CMIP: variants seen among roughly 807,000 people sequenced by gnomAD.
CMIP encodes c-Maf inducing protein.
In CMIP, 13 loss-of-function variants were observed where a neutral mutation model predicts 97.3. The observed-to-expected ratio is 0.13, with a 90% CI of 0.09 to 0.21. The LOEUF is 0.21. Among genes scored for constraint, CMIP ranks in the 10% least tolerant of loss-of-function variants. CMIP has a pLI of 1.00. For missense variants in CMIP, 847 were observed against 1,024.9 expected (o/e 0.83, Z 2.37); for synonymous variants, 538 against 436.3 (o/e 1.23, Z -2.91).
rs2091992059 is a variant in CMIP at position 81,621,529 on chromosome 16, G to A, written c.477+603G>A. On this transcript the variant is annotated intron_variant, in intron 3 of 20. Transcript: ENST00000537098. This position sits in a 1 kb window ranked among gnomAD's most constrained non-coding sequence, Gnocchi z 4.1. ...CTGAGTTGTGCCCCATGGCTCAGGC[G>A]ATGGAAACCTTGACGTCAGGACCAG... 1 of 153,152 alleles carries A rather than the reference G, an allele frequency of 6.5e-6. No individual in the cohort carries two copies. Among genetic ancestry groups the A allele is most frequent in the Non-Finnish European group, 1.5e-5 (1 of 68,444 alleles). 9.5% of individuals were successfully genotyped at this position (153,152 alleles called of 1,614,324 possible).
chr16:81,588,479 G>A (rs2091417636), intron 1 of CMIP, among the ~76,000 whole-genome samples: 1 of 152,136 alleles, frequency 6.6e-6, no homozygotes, highest in African/African-American at 2.4e-5. Context: ...TTACGGGCAG[G>A]GTGCTGTACC....
At chr16:81,687,688 G>C (rs902254308) in intron 10 of CMIP, among the ~76,000 whole-genome samples, 9 of 152,178 alleles carry the variant, frequency 5.9e-5, no homozygotes, top group Admixed American at 1.3e-4. Context: ...GTGTGTGAGT[G>C]CTCTGCTGTG....
intron 9 of CMIP, among the ~76,000 whole-genome samples, chr16:81,676,218 A>T (rs1284302803): frequency 4.6e-5 from 7 of 152,186 alleles, no homozygotes; most frequent in African/African-American, 9.7e-5. Context: ...AGCCCACAGT[A>T]GCCTGGGTTC....
intron 20 of CMIP, among the ~76,000 whole-genome samples, chr16:81,708,202 T>C (rs1908365755): frequency 6.6e-6 from 1 of 152,076 alleles, no homozygotes; most frequent in Non-Finnish European, 1.5e-5. Flanking sequence ...AGAGAGGACG[T>C]ATGGGACACA....
chr16:81,456,327 G>A (rs74492168), intron 1 of CMIP, among the ~76,000 whole-genome samples: 7 of 152,324 alleles, frequency 4.6e-5, no homozygotes, highest in African/African-American at 1.2e-4. Context: ...CCCGTGAGGC[G>A]TTAGCAGGGG....
chr16:81,464,461 A>G (rs1468896870), intron 1 of CMIP: 2 of 152,102 alleles, frequency 1.3e-5, no homozygotes, highest in African/African-American at 4.8e-5. Context: ...TGATGATGCA[A>G]CCAGGAAAAT....
chr16:81,596,590 T>G (rs958040560), intron 1 of CMIP, among the ~76,000 whole-genome samples: 2 of 151,900 alleles, frequency 1.3e-5, no homozygotes, highest in African/African-American at 4.8e-5. Context: ...TTGATGAACT[T>G]TAACAAAGTG....
intron 1 of CMIP, among the ~76,000 whole-genome samples, chr16:81,555,002 G>A (rs1398335787): frequency 2.6e-5 from 4 of 152,106 alleles, no homozygotes; most frequent in Admixed American, 2.0e-4. Flanking sequence ...AGTCTGCCTC[G>A]ACACACCCCT....
At chr16:81,605,314 A>G (rs945899857) in intron 1 of CMIP, among the ~76,000 whole-genome samples, 5 of 152,122 alleles carry the variant, frequency 3.3e-5, no homozygotes, top group African/African-American at 1.2e-4. Flanking sequence ...GGGTCCTCTG[A>G]GGGGTGAGCG....
At chr16:81,699,402 A>G (rs1787813279) in intron 14 of CMIP, among the ~76,000 whole-genome samples, 1 of 152,274 alleles carries the variant, frequency 6.6e-6, no homozygotes, top group Admixed American at 6.5e-5. Context: ...ATCAGGTACT[A>G]CTAAAAGGCA....
At chr16:81,697,917 CCT>C (rs1402133389) in intron 14 of CMIP, 1 of 152,590 alleles carries the variant, frequency 6.6e-6, no homozygotes, top group African/African-American at 2.4e-5. Context: ...GCCTGCACCA[CCT>C]CTCTCGCGCT....
At chr16:81,653,677 G>A (rs973608758) in intron 4 of CMIP, among the ~76,000 whole-genome samples, 6 of 152,302 alleles carry the variant, frequency 3.9e-5, no homozygotes, top group Admixed American at 6.5e-5. Flanking sequence ...GTGCAGTGGC[G>A]TGACGGCTCA....
intron 1 of CMIP, among the ~76,000 whole-genome samples, chr16:81,588,594 A>C (rs1392736530): frequency 6.6e-6 from 1 of 152,050 alleles, no homozygotes; most frequent in Non-Finnish European, 1.5e-5. Context: ...GGCTTCAGTA[A>C]TTGCCAAAAC....
intron 18 of CMIP, 26 bp from the exon 19 acceptor site, chr16:81,705,473 G>C: frequency 6.6e-7 from 1 of 1,522,174 alleles, no homozygotes. Context: ...GGCCGGGAGA[G>C]GGCTGAGAGT....
chr16:81,579,605 G>C (rs976926450), intron 1 of CMIP, among the ~76,000 whole-genome samples: 3 of 149,856 alleles, frequency 2.0e-5, no homozygotes, highest in Admixed American at 1.3e-4. Context: ...GGTAGAGGGG[G>C]CATGGCCCAG....
intron 3 of CMIP, among the ~76,000 whole-genome samples, chr16:81,648,536 C>G (rs1006301855): frequency 3.3e-5 from 5 of 152,124 alleles, no homozygotes; most frequent in Non-Finnish European, 5.9e-5. Flanking sequence ...GTAATCCCAG[C>G]ACTTTGGGAG....
intron 1 of CMIP, among the ~76,000 whole-genome samples, chr16:81,607,208 G>C (rs1323540099): frequency 6.6e-6 from 1 of 152,240 alleles, no homozygotes; most frequent in Non-Finnish European, 1.5e-5. Flanking sequence ...TTCTGGGCAG[G>C]AGAAGGTGGT....
chr16:81,486,923 C>G (rs1434809069), intron 1 of CMIP, among the ~76,000 whole-genome samples: 1 of 152,278 alleles, frequency 6.6e-6, no homozygotes, highest in African/African-American at 2.4e-5. Flanking sequence ...ATTCCATACT[C>G]CCCGGCCTCC....
chr16:81,707,224 T>C (rs67721827), intron 20 of CMIP, 140 bp downstream of exon 20: 232,896 of 713,604 alleles, frequency 0.33, 39,295 homozygotes, highest in African/African-American at 0.39. Context: ...TAATGGCAGA[T>C]CAAAAAGAGT....
Sources: allele counts gnomAD v4.1 joint callset (sites outside exome capture counted in the v4.1 genomes callset), GRCh38; gene constraint gnomAD v4.1.1; non-coding constraint Gnocchi (gnomAD v3.1); transcripts MANE v1.5; gene names NCBI Gene and HGNC (gene_info 2026-07-23, HGNC 2026-07-21).